The following SMARCC1 variants were observed in gnomAD, a reference collection of about 807,000 sequenced individuals.
SMARCC1 encodes SWI/SNF complex subunit SMARCC1.
A neutral mutation model predicts 147.4 loss-of-function variants in SMARCC1; 43 were observed. That is an observed-to-expected ratio of 0.29 (90% CI 0.23 to 0.38). The LOEUF (loss-of-function observed/expected upper bound fraction) is 0.38. SMARCC1 is among the 10% of genes least tolerant of loss of function. The pLI is 1.00. For missense variants in SMARCC1, 1,119 were observed against 1,381.1 expected, an observed-to-expected ratio of 0.81 and a Z score of 3.01; for synonymous variants, 495 against 484.4, an observed-to-expected ratio of 1.02 and a Z score of -0.29.
intron 19 of SMARCC1, among the ~76,000 whole-genome samples, chr3:47,666,432 T>A (rs899795621): frequency 6.9e-6 from 1 of 145,504 alleles, no homozygotes; most frequent in Non-Finnish European, 1.5e-5. Flanking sequence ...ACAGATTGTG[T>A]TCTACAGATC....
intron 25 of SMARCC1, among the ~76,000 whole-genome samples, chr3:47,611,079 G>A (rs1237860604): frequency 6.6e-6 from 1 of 152,230 alleles, no homozygotes; most frequent in African/African-American, 2.4e-5. Flanking sequence ...AGTATTATAT[G>A]TTTAGTTCAG....
At chr3:47,590,270 ATTCTT>A (rs2032154827) in intron 27 of SMARCC1, among the ~76,000 whole-genome samples, 2 of 152,336 alleles carry the variant, frequency 1.3e-5, no homozygotes, top group South Asian at 4.1e-4. Context: ...ACTCACTTCT[ATTCTT>A]TTCTTTACAC....
At chr3:47,754,893 A>C (rs2034671092) in intron 2 of SMARCC1, among the ~76,000 whole-genome samples, 1 of 152,046 alleles carries the variant, frequency 6.6e-6, no homozygotes, top group Admixed American at 6.6e-5. Flanking sequence ...AAATAGAAAA[A>C]TTAGTCAGGC....
chr3:47,741,450 A>T (rs1339465295), intron 3 of SMARCC1, among the ~76,000 whole-genome samples: 1 of 150,622 alleles, frequency 6.6e-6, no homozygotes, highest in Non-Finnish European at 1.5e-5. Context: ...AAATAAATAC[A>T]TGGCAAAATA....
At chr3:47,650,058 C>T (rs1369874893) in intron 21 of SMARCC1, among the ~76,000 whole-genome samples, 2 of 152,018 alleles carry the variant, frequency 1.3e-5, no homozygotes, top group Middle Eastern at 3.4e-3. Context: ...AGGCGGATCA[C>T]GAGGTCAGGA....
intron 26 of SMARCC1, among the ~76,000 whole-genome samples, chr3:47,594,268 G>T (rs2032232101): frequency 6.6e-6 from 1 of 152,094 alleles, no homozygotes; most frequent in Non-Finnish European, 1.5e-5. Context: ...AGAGAATTTT[G>T]GGCCCTGTGG....
intron 2 of SMARCC1, among the ~76,000 whole-genome samples, chr3:47,762,835 G>A (rs1331549718): frequency 6.6e-6 from 1 of 152,156 alleles, no homozygotes; most frequent in Non-Finnish European, 1.5e-5. Flanking sequence ...GGGAGGCCGA[G>A]GCGGGCAGAT....
At chr3:47,662,211 T>C (rs1471407915) in intron 20 of SMARCC1, 123 bp downstream of exon 20, 22 of 856,300 alleles carry the variant, frequency 2.6e-5, no homozygotes, top group Non-Finnish European at 4.0e-5. Context: ...ATATGGTATC[T>C]TTCACAGGTA....
At chr3:47,712,414 CTTTT>C (rs879504325) in intron 8 of SMARCC1, among the ~76,000 whole-genome samples, 3 of 147,598 alleles carry the variant, frequency 2.0e-5, no homozygotes, top group African/African-American at 7.4e-5. Flanking sequence ...ACATTGCTTC[CTTTT>C]TTTTTTAAAA....
intron 21 of SMARCC1, among the ~76,000 whole-genome samples, chr3:47,641,803 G>A (rs1409939930): frequency 6.6e-6 from 1 of 152,062 alleles, no homozygotes; most frequent in African/African-American, 2.4e-5. Flanking sequence ...AAGAGAAATG[G>A]TCTCTGTAAT....
At chr3:47,739,769 A>C (rs1260469147) in intron 3 of SMARCC1, among the ~76,000 whole-genome samples, 1 of 151,960 alleles carries the variant, frequency 6.6e-6, no homozygotes, top group East Asian at 1.9e-4. Flanking sequence ...TTTCTTTTTA[A>C]ACTCTATAGC....
intron 21 of SMARCC1, among the ~76,000 whole-genome samples, chr3:47,654,315 T>C (rs560278385): frequency 1.3e-5 from 2 of 152,190 alleles, no homozygotes; most frequent in Non-Finnish European, 2.9e-5. Flanking sequence ...CTGGGTACTG[T>C]CTGGTGGTGC....
intron 14 of SMARCC1, among the ~76,000 whole-genome samples, chr3:47,684,009 T>C (rs1317052661): frequency 6.6e-6 from 1 of 151,220 alleles, no homozygotes; most frequent in Non-Finnish European, 1.5e-5. Context: ...TCCCAGCACT[T>C]TGGGAGGCCG....
At chr3:47,749,600 G>A (rs1267971242) in intron 2 of SMARCC1, among the ~76,000 whole-genome samples, 2 of 129,554 alleles carry the variant, frequency 1.5e-5, no homozygotes, top group African/African-American at 2.6e-5. Context: ...TTGGGAAGTT[G>A]AGGCTACAGT....
chr3:47,673,015 A>G (rs2033520909), intron 18 of SMARCC1, among the ~76,000 whole-genome samples: 1 of 151,954 alleles, frequency 6.6e-6, no homozygotes, highest in African/African-American at 2.4e-5. Context: ...CTTGATAACA[A>G]TTGGCTCTAC....
chr3:47,673,234 T>C (rs2033524324), intron 18 of SMARCC1, among the ~76,000 whole-genome samples: 1 of 148,530 alleles, frequency 6.7e-6, no homozygotes, highest in East Asian at 2.0e-4. Flanking sequence ...AAAATAAAAA[T>C]AAAAAAAAAG....
At chr3:47,780,229 T>C (rs1407184845) in intron 1 of SMARCC1, among the ~76,000 whole-genome samples, 1 of 124,002 alleles carries the variant, frequency 8.1e-6, no homozygotes, top group Non-Finnish European at 1.6e-5. Flanking sequence ...TGGAGTGCAA[T>C]GGTGCAATCT....
At chr3:47,633,780 ACACACACACACACACACACAC>A (rs2032930764) in intron 24 of SMARCC1, among the ~76,000 whole-genome samples, 5 of 13,902 alleles carry the variant, frequency 3.6e-4, no homozygotes, top group South Asian at 0.01. Context: ...ATATATATAT[ACACACACACACACACACACAC>A]ACACACACAC....
intron 18 of SMARCC1, among the ~76,000 whole-genome samples, chr3:47,672,431 C>T (rs2033513424): frequency 6.6e-6 from 1 of 152,106 alleles, no homozygotes; most frequent in Non-Finnish European, 1.5e-5. Context: ...TGGTCTCGAT[C>T]TCCTGACCTC....
Sources: allele counts gnomAD v4.1 joint callset (sites outside exome capture counted in the v4.1 genomes callset), GRCh38; gene constraint gnomAD v4.1.1; transcripts MANE v1.5; gene names NCBI Gene and HGNC (gene_info 2026-07-23, HGNC 2026-07-21).